HSD17B4: variants seen among roughly 807,000 people sequenced by gnomAD.
The protein encoded by HSD17B4 is peroxisomal multifunctional enzyme type 2.
Under a neutral mutation model 101.0 loss-of-function variants are expected in HSD17B4, and 70 were observed. The ratio of observed to expected loss-of-function variants is 0.69; its 90% CI spans 0.57 to 0.85. The LOEUF is 0.85. Among genes scored for constraint, HSD17B4 ranks in the 40% least tolerant of loss-of-function variants. HSD17B4 has a pLI of 0.00. For synonymous variants in HSD17B4, 347 were observed against 297.1 expected, an observed-to-expected ratio of 1.17 and a Z score of -1.73; for missense variants, 984 against 892.4, an observed-to-expected ratio of 1.10 and a Z score of -1.31.
rs1230896524 is a variant in HSD17B4, at chr5:119,530,868, AAAC to A, written c.1855-395_1855-393del. Among the ~76,000 whole-genome samples the A allele has an allele frequency of 9.6e-3, 1,411 of 147,146 alleles. 61 individuals are homozygous for A. The highest frequency in any genetic ancestry group is 0.033 in the African/African-American group (1,278 of 39,154). ...CTCAAAAAAAAAAAAAAAAAACAAA[AAAC>A]AAAAAAAACCCAAAACTTAAGTTTT... On this transcript the variant is annotated intron_variant, in intron 21 of 23. Transcript: ENST00000510025.
intron 2 of HSD17B4, among the ~76,000 whole-genome samples, chr5:119,457,986 T>A (rs1754841521): frequency 6.6e-6 from 1 of 152,216 alleles, no homozygotes; most frequent in Non-Finnish European, 1.5e-5. Context: ...GTGCATCAAT[T>A]TTCCTTTATT....
intron 2 of HSD17B4, among the ~76,000 whole-genome samples, chr5:119,460,198 C>G (rs892835427): frequency 1.3e-5 from 2 of 152,174 alleles, no homozygotes; most frequent in African/African-American, 4.8e-5. Context: ...TCTATACTGT[C>G]ACATCAGGGA....
intron 17 of HSD17B4, among the ~76,000 whole-genome samples, chr5:119,521,162 G>A (rs141307973): frequency 5.1e-4 from 77 of 152,232 alleles, no homozygotes; most frequent in African/African-American, 1.7e-3. Context: ...GATACTTGAA[G>A]GGACAGCATT....
Position 119,527,182 on chromosome 5 carries a change from T to C in HSD17B4, c.1730T>C (p.Met577Thr). 1.2e-6 allele frequency: 2 copies of C among 1,610,478 alleles called. No homozygotes were observed. Among genetic ancestry groups the C allele is most frequent in the Non-Finnish European group, 1.7e-6 (2 of 1,177,092 alleles). The change falls in exon 20 of 24, where the codon ATG becomes ACG. Residue 577 changes from methionine (M) to threonine (T), a missense_variant. Physicochemically the swap from Met to Thr is moderately conservative, Grantham distance 81 (BLOSUM62 -1). Coordinates refer to ENST00000510025, the MANE Select transcript of HSD17B4 (RefSeq NM_000414.4). The stretch of plus-strand genomic sequence containing the variant: ...CCAGGACAAACTCTACAAACTGAGA[T>C]GTGGAAGGAAGGAAACAGAATTCAT... The part of the protein sequence containing the change: ...VYPGQTLQTE[M>T]WKEGNRIHFQ...
intron 1 of HSD17B4, among the ~76,000 whole-genome samples, chr5:119,455,597 A>G (rs1335384483): frequency 1.3e-5 from 2 of 148,498 alleles, no homozygotes; most frequent in Admixed American, 6.7e-5. Flanking sequence ...TTCTTTTTGG[A>G]TATATAAATT....
intron 13 of HSD17B4, 70 bp downstream of exon 13, chr5:119,499,623 T>A: frequency 1.2e-6 from 1 of 840,132 alleles, no homozygotes; most frequent in Non-Finnish European, 2.1e-6. Context: ...TGTCATATCT[T>A]ATATATATGT....
At chr5:119,492,798 G>C (rs1467873263) in intron 10 of HSD17B4, 1 of 151,818 alleles carries the variant, frequency 6.6e-6, no homozygotes, top group Admixed American at 6.6e-5. Flanking sequence ...CTCAAACCTT[G>C]TGAACTCCAA....
At chr5:119,465,487 G>A (rs1425158312) in intron 2 of HSD17B4, among the ~76,000 whole-genome samples, 1 of 152,130 alleles carries the variant, frequency 6.6e-6, no homozygotes, top group African/African-American at 2.4e-5. Flanking sequence ...TGCCATGATT[G>A]GAGGCTTCTT....
At chr5:119,501,950 G>A (rs1751204007) in intron 13 of HSD17B4, 91 bp from the exon 14 acceptor site, 1 of 775,982 alleles carries the variant, frequency 1.3e-6, no homozygotes, top group Non-Finnish European at 2.3e-6. Context: ...GCCTGTGGAT[G>A]GTAAAATGTC....
At chr5:119,496,797 C>A (rs1184430297) in intron 12 of HSD17B4, 151 bp downstream of exon 12, 2 of 730,592 alleles carry the variant, frequency 2.7e-6, no homozygotes, top group Non-Finnish European at 2.5e-6. Context: ...GAAGCAGTGG[C>A]AGAGATAATT....
At chr5:119,498,494 A>G (rs1214234809) in intron 12 of HSD17B4, among the ~76,000 whole-genome samples, 2 of 152,228 alleles carry the variant, frequency 1.3e-5, no homozygotes, top group Non-Finnish European at 2.9e-5. Flanking sequence ...CTTATTAGCT[A>G]CGCATATTAT....
intron 17 of HSD17B4, among the ~76,000 whole-genome samples, chr5:119,524,028 T>C (rs951995636): frequency 1.3e-5 from 2 of 152,118 alleles, no homozygotes; most frequent in African/African-American, 4.8e-5. Context: ...ATGATATATA[T>C]TTGCTAACAT....
Position 119,531,317 on chromosome 5 carries a change from A to C in HSD17B4, c.1906A>C (p.Lys636Gln), listed in dbSNP as rs1423941265. ...ATTTGAGGAAATAGGACGCCGCCTA[A>C]AGGATATTGGGCCTGAGGTGGTGAA... ...FVFEEIGRRLKDIGPEVVKKV... is the reference protein window; with the variant it reads ...FVFEEIGRRLQDIGPEVVKKV... Residue 636 changes from lysine (K) to glutamine (Q), a missense_variant, in exon 22 of 24, where the codon AAG becomes CAG. By Grantham distance (53) the Lys-to-Gln change is moderately conservative (BLOSUM62 1). Transcript: ENST00000510025. 2.5e-6 allele frequency: 4 copies of C among 1,613,632 alleles called. No individual in the cohort carries two copies. The highest frequency in any genetic ancestry group is 3.4e-6 in the Non-Finnish European group (4 of 1,179,690).
intron 2 of HSD17B4, among the ~76,000 whole-genome samples, chr5:119,463,005 CT>C (rs1755419830): frequency 6.6e-6 from 1 of 152,174 alleles, no homozygotes; most frequent in Non-Finnish European, 1.5e-5. Context: ...CTATTCCCCT[CT>C]TCCCTGCTAC....
chr5:119,507,579 C>T (rs1033656492), intron 15 of HSD17B4, among the ~76,000 whole-genome samples: 2 of 151,590 alleles, frequency 1.3e-5, no homozygotes, highest in African/African-American at 2.4e-5. Flanking sequence ...GTCAGGAGAT[C>T]GAGATCATCC....
chr5:119,455,401 C>T (rs1322088942), intron 1 of HSD17B4, among the ~76,000 whole-genome samples: 1 of 152,074 alleles, frequency 6.6e-6, no homozygotes, highest in Non-Finnish European at 1.5e-5. Context: ...CCTGTAGTCC[C>T]AGCTACTCGC....
At chr5:119,513,647 A>G (rs931957492) in intron 16 of HSD17B4, among the ~76,000 whole-genome samples, 7 of 152,262 alleles carry the variant, frequency 4.6e-5, no homozygotes, top group Admixed American at 3.3e-4. Flanking sequence ...TGCTCCCTGT[A>G]TGTTCTTTTT....
chr5:119,464,179 C>G lies in HSD17B4; in HGVS notation c.112+7811C>G, dbSNP rs187620438. ...TGATTGTTTTTTTGCTGTGCAGAAG[C>G]TTTTTAGTTTGATCTAGTCCCATTT... On this transcript the variant is annotated intron_variant, in intron 2 of 23. Transcript: ENST00000510025. Among the ~76,000 whole-genome samples the G allele has an allele frequency of 2.0e-5, 3 of 152,102 alleles. No homozygotes were observed. The East Asian group carries it at 5.8e-4, about 29-fold the overall frequency.
chr5:119,474,637 A>G (rs188078685), intron 4 of HSD17B4, among the ~76,000 whole-genome samples, 177 bp downstream of exon 4: 287 of 152,264 alleles, frequency 1.9e-3, no homozygotes, highest in Non-Finnish European at 3.3e-3. Context: ...TGAGGTGGCA[A>G]TTTTATGGAT....
Sources: gnomAD v4.1 joint callset for allele counts (sites outside exome capture counted in the v4.1 genomes callset) on GRCh38, gnomAD v4.1.1 for gene constraint, MANE v1.5 for transcripts, NCBI Gene and HGNC (gene_info 2026-07-23, HGNC 2026-07-21) for gene names.